Variants in MX2 observed in about 807,000 individuals in gnomAD.
The protein encoded by MX2 is MX dynamin like GTPase 2.
Under a neutral mutation model 74.0 loss-of-function variants are expected in MX2, and 51 were observed. The ratio of observed to expected loss-of-function variants is 0.69; its 90% CI spans 0.55 to 0.87. The LOEUF is 0.87. Among genes scored for constraint, MX2 ranks in the 40% least tolerant of loss-of-function variants. The probability of loss-of-function intolerance (pLI) is 0.00; values close to 1 mark genes in which losing one functional copy is unlikely to be tolerated. For missense variants in MX2, 832 were observed against 908.7 expected, an observed-to-expected ratio of 0.92 and a Z score of 1.09; for synonymous variants, 369 against 339.3, an observed-to-expected ratio of 1.09 and a Z score of -0.96.
At chr21:41,403,015 A>T in intron 11 of MX2, 1 of 441,682 alleles carries the variant, frequency 2.3e-6, no homozygotes, top group Non-Finnish European at 4.2e-6. Context: ...TGTAAGGAAT[A>T]GTCAGAGGCT....
At position 41,406,928 on chromosome 21, in the gene MX2, A is replaced by G. The variant is rs752407874; in HGVS notation, c.1835A>G (p.His612Arg). 4 of 1,614,162 alleles carry G rather than the reference A, an allele frequency of 2.5e-6. No homozygotes were observed. In the South Asian group the frequency reaches 3.3e-5, roughly 13 times the overall value. The change falls in exon 13 of 14, where the codon CAT (histidine) becomes CGT (arginine). Residue 612 changes from histidine to arginine, a missense_variant. Physicochemically the swap from His to Arg is conservative, Grantham distance 29. Coordinates refer to ENST00000330714, the MANE Select transcript of MX2 (RefSeq NM_002463.2). The stretch of plus-strand genomic sequence containing the variant: ...TCACAGAATATGAAGTTGAACTCTC[A>G]TTTTCCCAGTAATGAGTCTTCGGTT... ...TPSQNMKLNS[H>R]FPSNESSVSS...
At position 41,402,933 on chromosome 21, in the gene MX2, C is replaced by T. The variant is rs1194194064; in HGVS notation, c.1574-334C>T. 1.4e-5 allele frequency: 4 copies of T among 285,694 alleles called. No homozygotes were observed. Among genetic ancestry groups the T allele is most frequent in the African/African-American group, 2.2e-5 (1 of 46,192 alleles). The allele number at this position is 285,694 out of a possible 1,614,324, so 17.7% of individuals were successfully genotyped here. ...GAGGTGGGGCTCAGGCAGCAGTGCT[C>T]ACTAGCTCACTGCACACCTCCTGCC... On this transcript the variant is annotated intron_variant, in intron 11 of 13. Coordinates refer to ENST00000330714, the MANE Select transcript of MX2 (RefSeq NM_002463.2). This position sits in a 1 kb window ranked among gnomAD's most constrained non-coding sequence, Gnocchi z 4.5.
Position 41,382,560 on chromosome 21 carries a change from T to A in MX2, c.728T>A (p.Leu243Gln). ...GACAACCAGCCCCGAGACATCGGAC[T>A]GCAGGTGAGCCCTTCTGGAATTTGG... ...AVDNQPRDIG[L>Q]QIKALIKKYI... is the part of the protein sequence containing the mutation. The change falls in exon 5 of 14, where the codon CTG (leucine) becomes CAG (glutamine). Residue 243 changes from leucine to glutamine, a missense_variant. Physicochemically the swap from Leu to Gln is moderately radical, Grantham distance 113. Transcript: ENST00000330714. 6.2e-7 allele frequency: 1 copy of A among 1,614,164 alleles called. No homozygotes were observed.
chr21:41,373,306 T>A (rs138596401), intron 1 of MX2, among the ~76,000 whole-genome samples: 4 of 152,182 alleles, frequency 2.6e-5, no homozygotes, highest in African/African-American at 9.6e-5. Context: ...ATAAATTGGG[T>A]GTGGCAAGGG....
chr21:41,407,871 A>G (rs2089907372), intron 13 of MX2, 120 bp from the exon 14 acceptor site: 2 of 1,334,642 alleles, frequency 1.5e-6, no homozygotes, highest in South Asian at 2.7e-5. Context: ...GAGGTGGGCG[A>G]GACCACCAGG....
rs1245395128 is a variant in MX2, at chr21:41,402,373, A to G, written c.1573+245A>G. 6.6e-6 allele frequency among the ~76,000 whole-genome samples: 1 copy of G among 152,238 alleles called. No individual in the cohort carries two copies. The highest frequency in any genetic ancestry group is 1.5e-5 in the Non-Finnish European group (1 of 68,046). On this transcript the variant is annotated intron_variant, in intron 11 of 13. Transcript: ENST00000330714. This position sits in a 1 kb window ranked among gnomAD's most constrained non-coding sequence, Gnocchi z 4.5. Reference sequence around the variant, plus strand: ...GTACTGAGGTTTCCAGGAGATGGGGAAGCACACTGAGTGCCATAGGCGTTC... The same window carrying G: ...GTACTGAGGTTTCCAGGAGATGGGGGAGCACACTGAGTGCCATAGGCGTTC...
At chr21:41,407,962 C>T in intron 13 of MX2, 29 bp from the exon 14 acceptor site, 1 of 1,613,154 alleles carries the variant, frequency 6.2e-7, no homozygotes. Flanking sequence ...GAGACCACTC[C>T]AGCAAACCCT....
chr21:41,399,450 G>C, intron 10 of MX2, 113 bp downstream of exon 10: 2 of 1,170,070 alleles, frequency 1.7e-6, no homozygotes, highest in Non-Finnish European at 2.4e-6. Context: ...CCAAGACCGT[G>C]GAACCCTTGG....
chr21:41,399,253 AG>A lies in MX2; in HGVS notation c.1333del (p.Glu445ArgfsTer18). On this transcript the variant is annotated frameshift_variant, in exon 10 of 14. Coordinates refer to ENST00000330714, the MANE Select transcript of MX2 (RefSeq NM_002463.2). LOFTEE classifies it high-confidence loss of function. ...EKLVEGEEVVRENETRLYNKI... is the reference protein window; with the variant it reads ...EKLVEGEEVVXENETRLYNKI... Reference sequence around the variant, plus strand: ...GTTAGTAGAAGGAGAAGAAGTTGTAAGGGAGAATGAGACCCGTTTATACAAC... The same window carrying A: ...GTTAGTAGAAGGAGAAGAAGTTGTAAGGAGAATGAGACCCGTTTATACAAC... 6.2e-7 allele frequency: 1 copy of A among 1,613,918 alleles called. No homozygotes were observed. The highest frequency in any genetic ancestry group is 8.5e-7 in the Non-Finnish European group (1 of 1,179,750).
intron 8 of MX2, 30 bp from the exon 9 acceptor site, chr21:41,398,867 A>G: frequency 3.7e-6 from 6 of 1,603,066 alleles, no homozygotes; most frequent in Non-Finnish European, 5.1e-6. Flanking sequence ...CTTAAGCCGC[A>G]GTTTGATTGT....
In MX2 at chr21:41,380,914, T is replaced by A. The variant is rs996922711; in HGVS notation, c.577+763T>A. On this transcript the variant is annotated intron_variant, in intron 4 of 13. Coordinates refer to ENST00000330714, the MANE Select transcript of MX2 (RefSeq NM_002463.2). This position sits in a 1 kb window ranked among gnomAD's most constrained non-coding sequence, Gnocchi z 4.3. Reference sequence around the variant, plus strand: ...CAGCCTGTCCTGGACTCAGCCAGGATAGATGGAAAAACAATCCTGAATGTA... The same window carrying A: ...CAGCCTGTCCTGGACTCAGCCAGGAAAGATGGAAAAACAATCCTGAATGTA... 2.0e-5 allele frequency among the ~76,000 whole-genome samples: 3 copies of A among 152,130 alleles called. No homozygotes were observed. The highest frequency in any genetic ancestry group is 2.9e-5 in the Non-Finnish European group (2 of 68,012).
intron 3 of MX2, 38 bp from the exon 4 acceptor site, chr21:41,379,979 A>G: frequency 6.2e-7 from 1 of 1,610,346 alleles, no homozygotes; most frequent in South Asian, 1.1e-5. Context: ...CACTTCTTTA[A>G]AAGGAAACTG....
chr21:41,363,908 T>G lies in MX2; in HGVS notation c.-72+1853T>G, dbSNP rs1311923027. 1 of 154,916 alleles carries G rather than the reference T, an allele frequency of 6.5e-6. No homozygotes were observed. The highest frequency in any genetic ancestry group is 1.5e-5 in the Non-Finnish European group (1 of 68,296). The allele number at this position is 154,916 out of a possible 1,614,324, so 9.6% of individuals were successfully genotyped here. A position where few individuals can be genotyped will look rare whatever the true frequency, so the allele number is the denominator to read the frequency against. On this transcript the variant is annotated intron_variant, in intron 1 of 13. Coordinates refer to ENST00000330714, the MANE Select transcript of MX2 (RefSeq NM_002463.2). The surrounding 1 kb of genome is among the most constrained non-coding windows in gnomAD (Gnocchi z 4.2). ...GTCCTCCAATCTCAACACCCTGGGA[T>G]GCAGTGTCAGGTGCAGGTCAGAGAC...
At chr21:41,377,719 CCA>C in intron 2 of MX2, 68 bp from the exon 3 acceptor site, 1 of 1,494,464 alleles carries the variant, frequency 6.7e-7, no homozygotes, top group Non-Finnish European at 9.1e-7. Flanking sequence ...ACAAACTCTG[CCA>C]CACATCTCCA....
Position 41,363,581 on chromosome 21 carries a change from G to C in MX2, c.-72+1526G>C, listed in dbSNP as rs562102606. On this transcript the variant is annotated intron_variant, in intron 1 of 13. Transcript: ENST00000330714. The surrounding 1 kb of genome is among the most constrained non-coding windows in gnomAD (Gnocchi z 4.2). Reference sequence around the variant, plus strand: ...TAAAAAGAAAGGAGGTGAGCCCGGGGAGATAAGGTCGCATTCAGTGCCAGT... The same window carrying C: ...TAAAAAGAAAGGAGGTGAGCCCGGGCAGATAAGGTCGCATTCAGTGCCAGT... 1 of 154,296 alleles carries C rather than the reference G, an allele frequency of 6.5e-6. No homozygotes were observed. The highest frequency in any genetic ancestry group is 6.5e-5 in the Admixed American group (1 of 15,292). The allele number at this position is 154,296 out of a possible 1,614,324, so 9.6% of individuals were successfully genotyped here. A position where few individuals can be genotyped will look rare whatever the true frequency, so the allele number is the denominator to read the frequency against.
At chr21:41,392,481 G>A (rs2089673366) in intron 6 of MX2, among the ~76,000 whole-genome samples, 1 of 152,210 alleles carries the variant, frequency 6.6e-6, no homozygotes. Context: ...TACAGACAAA[G>A]TAGAATGGTG....
chr21:41,403,627 G>C (rs2089846052), intron 12 of MX2: 1 of 666,754 alleles, frequency 1.5e-6, no homozygotes, highest in African/African-American at 1.8e-5. Context: ...GCTCCACCGA[G>C]GACTGGCTGG....
At chr21:41,401,684 G>GTT in intron 10 of MX2, 1 of 113,958 alleles carries the variant, frequency 8.8e-6, no homozygotes, top group Non-Finnish European at 1.5e-5. Flanking sequence ...TTTCTAATCA[G>GTT]GTTTTTTTTT....
At position 41,398,885 on chromosome 21, in the gene MX2, T is replaced by G. The variant is rs2089770788; in HGVS notation, c.1150-12T>G. On this transcript the variant is annotated splice_polypyrimidine_tract_variant and intron_variant, in intron 8 of 13. Coordinates refer to ENST00000330714, the MANE Select transcript of MX2 (RefSeq NM_002463.2). ...AAGCCGCAGTTTGATTGTTTGCAAT[T>G]GTTTTGTTTAGAAATCGCTCCCGTT... is the stretch of plus-strand genomic sequence containing the variant. 6.2e-7 allele frequency: 1 copy of G among 1,609,872 alleles called. No individual in the cohort carries two copies. Among genetic ancestry groups the G allele is most frequent in the African/African-American group, 1.3e-5 (1 of 74,770 alleles).
Sources: allele counts gnomAD v4.1 joint callset (sites outside exome capture counted in the v4.1 genomes callset), GRCh38; gene constraint gnomAD v4.1.1; non-coding constraint Gnocchi (gnomAD v3.1); transcripts MANE v1.5; gene names NCBI Gene and HGNC (gene_info 2026-07-23, HGNC 2026-07-21).